Variants in YEATS2 observed in about 807,000 individuals in gnomAD.
YEATS2 encodes YEATS domain-containing protein 2.
YEATS2 carries 77 observed loss-of-function variants against 163.2 expected under a neutral mutation model. That is an observed-to-expected ratio of 0.47 (90% CI 0.39 to 0.57). The LOEUF (loss-of-function observed/expected upper bound fraction) is 0.57, where lower values mean the gene tolerates loss of function less well. Among genes scored for constraint, YEATS2 ranks in the 20% least tolerant of loss-of-function variants. The pLI, the probability that YEATS2 is intolerant of heterozygous loss-of-function variation, is 0.00. For missense variants in YEATS2, 1,549 were observed against 1,729.8 expected, an observed-to-expected ratio of 0.90 and a Z score of 1.85; for synonymous variants, 631 against 645.1, an observed-to-expected ratio of 0.98 and a Z score of 0.33.
At chr3:183,753,107 T>TAA (rs1288651508) in intron 10 of YEATS2, among the ~76,000 whole-genome samples, 1 of 152,130 alleles carries the variant, frequency 6.6e-6, no homozygotes, top group Non-Finnish European at 1.5e-5. Flanking sequence ...CTAAAACAGA[T>TAA]TTTTATCACT....
intron 8 of YEATS2, among the ~76,000 whole-genome samples, chr3:183,739,335 A>C (rs1482694158): frequency 6.7e-6 from 1 of 149,040 alleles, no homozygotes; most frequent in Non-Finnish European, 1.5e-5. Context: ...GAGCCAAATC[A>C]TGAGTGAACT....
At chr3:183,785,426 T>A (rs1158830701) in intron 19 of YEATS2, among the ~76,000 whole-genome samples, 1 of 149,444 alleles carries the variant, frequency 6.7e-6, no homozygotes, top group Non-Finnish European at 1.5e-5. Flanking sequence ...GAGGCGGAGG[T>A]TGCAGTAAGC....
At chr3:183,754,448 T>C (rs946259905) in intron 11 of YEATS2, 83 bp downstream of exon 11, 1 of 1,502,322 alleles carries the variant, frequency 6.7e-7, no homozygotes, top group Non-Finnish European at 8.9e-7. Flanking sequence ...ATACTTGGCT[T>C]TTTTTCTCTT....
At position 183,709,939 on chromosome 3, in the gene YEATS2, C is replaced by G. The variant is rs1440748283; in HGVS notation, c.-19-5205C>G. ...TTGTGATCCGCCCACCTCGGCCTCC[C>G]AAAGTGCTGGGATTACAGGCGTGAG... is the stretch of plus-strand genomic sequence containing the variant. On this transcript the variant is annotated intron_variant, in intron 1 of 30. Transcript: ENST00000305135. 2.0e-5 allele frequency among the ~76,000 whole-genome samples: 3 copies of G among 152,174 alleles called. No individual in the cohort carries two copies. The East Asian group carries it at 5.8e-4, about 29-fold the overall frequency.
intron 21 of YEATS2, among the ~76,000 whole-genome samples, chr3:183,791,934 A>G (rs1230744176): frequency 6.6e-6 from 1 of 152,196 alleles, no homozygotes; most frequent in African/African-American, 2.4e-5. Flanking sequence ...TGAGATTGAT[A>G]ATAATACCTA....
chr3:183,788,630 A>G (rs1724299527), intron 20 of YEATS2, among the ~76,000 whole-genome samples: 1 of 152,178 alleles, frequency 6.6e-6, no homozygotes, highest in African/African-American at 2.4e-5. Context: ...ACGTCTCCTC[A>G]TATACTCATT....
At chr3:183,781,175 G>A (rs1000408784) in intron 19 of YEATS2, among the ~76,000 whole-genome samples, 1 of 152,128 alleles carries the variant, frequency 6.6e-6, no homozygotes, top group Admixed American at 6.6e-5. Flanking sequence ...TGGAGACCAA[G>A]GAGTCCCACG....
intron 5 of YEATS2, among the ~76,000 whole-genome samples, chr3:183,723,581 G>C (rs1716758134): frequency 6.6e-6 from 1 of 152,126 alleles, no homozygotes; most frequent in Non-Finnish European, 1.5e-5. Flanking sequence ...TATTATTCCT[G>C]AGCAAATATT....
intron 5 of YEATS2, among the ~76,000 whole-genome samples, chr3:183,723,584 C>G (rs1716758469): frequency 6.6e-6 from 1 of 152,102 alleles, no homozygotes; most frequent in South Asian, 2.1e-4. Flanking sequence ...TATTCCTGAG[C>G]AAATATTACA....
chr3:183,803,477 C>T (rs927323369), intron 26 of YEATS2, 142 bp downstream of exon 26: 2 of 832,494 alleles, frequency 2.4e-6, no homozygotes, highest in East Asian at 5.4e-5. Context: ...TTTTCAAAGA[C>T]CTGTATCCAG....
Position 183,810,506 on chromosome 3 carries a change from C to T in YEATS2, c.4192C>T (p.His1398Tyr). 6.2e-7 allele frequency: 1 copy of T among 1,614,160 alleles called. No individual in the cohort carries two copies. Among genetic ancestry groups the T allele is most frequent in the Non-Finnish European group, 8.5e-7 (1 of 1,180,010 alleles). ...IPKEITVSNI[H>Y]QAICNIPFLD... ...CAAAGAAATTACAGTGAGTAATATT[C>T]ACCAGGCCATTTGCAACATTCCTTT... Residue 1398 changes from histidine to tyrosine, a missense_variant, in exon 31 of 31, where the codon CAC becomes TAC. Transcript: ENST00000305135.
chr3:183,740,308 C>T (rs1240311354), intron 8 of YEATS2, among the ~76,000 whole-genome samples: 1 of 152,196 alleles, frequency 6.6e-6, no homozygotes, highest in Admixed American at 6.5e-5. Context: ...TGAACAGACA[C>T]TTCTCAAAAG....
chr3:183,790,070 ACAATGTTCTTTCATGCCTCAC>A (rs1724463743), intron 20 of YEATS2, among the ~76,000 whole-genome samples: 1 of 152,178 alleles, frequency 6.6e-6, no homozygotes, highest in South Asian at 2.1e-4. Context: ...TCTTGAACAT[ACAATGTTCTTTCATGCCTCAC>A]CAACTTTCTA....
At chr3:183,749,722 C>T (rs1355395546) in intron 9 of YEATS2, among the ~76,000 whole-genome samples, 1 of 152,194 alleles carries the variant, frequency 6.6e-6, no homozygotes, top group Admixed American at 6.5e-5. Flanking sequence ...CAGCTTTGAC[C>T]TCCTGGGCTC....
At chr3:183,796,995 G>A (rs1014960756) in intron 21 of YEATS2, among the ~76,000 whole-genome samples, 5 of 152,122 alleles carry the variant, frequency 3.3e-5, no homozygotes, top group Admixed American at 6.5e-5. Flanking sequence ...CTGGCCAGGC[G>A]CGGTAGCTCA....
intron 23 of YEATS2, 146 bp downstream of exon 23, chr3:183,799,135 C>G: frequency 1.4e-6 from 1 of 693,348 alleles, no homozygotes; most frequent in Non-Finnish European, 2.5e-6. Flanking sequence ...GAATCAGTCA[C>G]TTGGCAAATA....
intron 19 of YEATS2, among the ~76,000 whole-genome samples, chr3:183,784,777 T>TAAA (rs35365965): frequency 3.0e-5 from 4 of 135,002 alleles, no homozygotes; most frequent in Admixed American, 7.5e-5. Context: ...CTCTTGCCAT[T>TAAA]AAAAAAAAAA....
chr3:183,763,276 T>C (rs1721565273), intron 15 of YEATS2, among the ~76,000 whole-genome samples: 1 of 152,188 alleles, frequency 6.6e-6, no homozygotes, highest in African/African-American at 2.4e-5. Flanking sequence ...GCTGTAAACC[T>C]GTTCCGCATG....
intron 12 of YEATS2, among the ~76,000 whole-genome samples, chr3:183,757,559 C>T (rs774899795): frequency 8.5e-5 from 13 of 152,172 alleles, no homozygotes; most frequent in South Asian, 2.1e-4. Flanking sequence ...GATTTACAGG[C>T]GTGAGCTACC....
Sources: allele counts gnomAD v4.1 joint callset (sites outside exome capture counted in the v4.1 genomes callset), GRCh38; gene constraint gnomAD v4.1.1; transcripts MANE v1.5; gene names NCBI Gene and HGNC (gene_info 2026-07-23, HGNC 2026-07-21).